ACAP2: variants seen among roughly 807,000 people sequenced by gnomAD.
ACAP2 encodes arf-GAP with coiled-coil, ANK repeat and PH domain-containing protein 2.
ACAP2 carries 39 observed loss-of-function variants against 115.8 expected under a neutral mutation model. That is an observed-to-expected ratio of 0.34 (90% confidence interval 0.26 to 0.44). The LOEUF (loss-of-function observed/expected upper bound fraction) is 0.44. Among genes scored for constraint, ACAP2 ranks in the 20% least tolerant of loss-of-function variants. ACAP2 has a pLI of 1.00. For missense variants in ACAP2, 662 were observed against 927.6 expected (o/e 0.71, Z 3.72); for synonymous variants, 289 against 315.8 (o/e 0.92, Z 0.90).
intron 1 of ACAP2, among the ~76,000 whole-genome samples, chr3:195,405,077 G>A (rs1242049281): frequency 1.3e-5 from 2 of 151,944 alleles, no homozygotes; most frequent in African/African-American, 4.8e-5. Context: ...TGGGATTATA[G>A]GCATGAGCCA....
At chr3:195,378,006 G>T (rs1482600589) in intron 4 of ACAP2, among the ~76,000 whole-genome samples, 3 of 145,252 alleles carry the variant, frequency 2.1e-5, no homozygotes, top group Admixed American at 2.1e-4. Context: ...GAGTTTTAGA[G>T]TCAACAGAGA....
rs545085844 is a variant in ACAP2 at position 195,417,241 on chromosome 3, T to G, written c.54-25094A>C. On this transcript the variant is annotated intron_variant, in intron 1 of 22. Coordinates refer to ENST00000326793, the MANE Select transcript of ACAP2 (RefSeq NM_012287.6). ...GCCACCACACCTGGCCTCAAATCTT[T>G]ATCTCCAACCTAGATCTCTCTCAGA... 3.9e-5 allele frequency among the ~76,000 whole-genome samples: 6 copies of G among 152,030 alleles called. 1 individual carries two copies. In the South Asian group the frequency reaches 1.2e-3, roughly 32 times the overall value.
chr3:195,346,301 T>C (rs1731183454), intron 4 of ACAP2, among the ~76,000 whole-genome samples: 1 of 152,082 alleles, frequency 6.6e-6, no homozygotes, highest in South Asian at 2.1e-4. Flanking sequence ...AGAAAGTTAA[T>C]AGAGAAAAAT....
At chr3:195,300,797 G>T (rs1227977772) in intron 15 of ACAP2, among the ~76,000 whole-genome samples, 3 of 152,188 alleles carry the variant, frequency 2.0e-5, no homozygotes, top group African/African-American at 7.2e-5. Context: ...TAGATGGACT[G>T]CTTGAGCCCA....
chr3:195,399,710 G>A (rs1010874373), intron 1 of ACAP2, among the ~76,000 whole-genome samples: 3 of 152,068 alleles, frequency 2.0e-5, no homozygotes, highest in African/African-American at 7.2e-5. Context: ...CCATGGAGGA[G>A]TATAATTGAA....
chr3:195,349,324 A>C (rs1731389163), intron 4 of ACAP2, among the ~76,000 whole-genome samples: 1 of 152,122 alleles, frequency 6.6e-6, no homozygotes, highest in Admixed American at 6.5e-5. Context: ...TCTACTAAAA[A>C]TACAAAATCA....
chr3:195,385,994 A>AATT (rs1734275408), intron 2 of ACAP2, among the ~76,000 whole-genome samples: 1 of 152,330 alleles, frequency 6.6e-6, no homozygotes. Flanking sequence ...AACAACTCAA[A>AATT]TGTCCATCAA....
intron 4 of ACAP2, among the ~76,000 whole-genome samples, chr3:195,354,535 T>C (rs1255086462): frequency 6.6e-6 from 1 of 152,206 alleles, no homozygotes; most frequent in Admixed American, 6.5e-5. Context: ...GGTTGTGTTT[T>C]TCTTTATAAT....
In ACAP2 at chr3:195,285,868, A is replaced by G; in HGVS notation, c.2175-11T>C. The G allele has an allele frequency of 1.3e-6, 2 of 1,598,798 alleles. No homozygotes were observed. The highest frequency in any genetic ancestry group is 1.7e-6 in the Non-Finnish European group (2 of 1,169,904). ...CTTGCTAAACGTAACCTAAAAATAA[A>G]TAAAATAGTGTTTTAGATGACATTA... On this transcript the variant is annotated splice_polypyrimidine_tract_variant and intron_variant, in intron 21 of 22. Transcript: ENST00000326793.
At chr3:195,331,215 C>CTACA (rs1211033628) in intron 8 of ACAP2, among the ~76,000 whole-genome samples, 1 of 152,056 alleles carries the variant, frequency 6.6e-6, no homozygotes, top group African/African-American at 2.4e-5. Flanking sequence ...GGCATACACC[C>CTACA]TACATGTCTT....
At chr3:195,281,550 C>T (rs1255875662) in intron 22 of ACAP2, among the ~76,000 whole-genome samples, 1 of 152,034 alleles carries the variant, frequency 6.6e-6, no homozygotes, top group African/African-American at 2.4e-5. Context: ...TCAATTAAAC[C>T]TCATCAGTCT....
chr3:195,375,896 A>G lies in ACAP2; in HGVS notation c.285+5113T>C, dbSNP rs9837031. On this transcript the variant is annotated intron_variant, in intron 4 of 22. Coordinates refer to ENST00000326793, the MANE Select transcript of ACAP2 (RefSeq NM_012287.6). ...CGTTAAAGCTGCATTCAGCAAAGAT[A>G]ATAATCAAATAAATATCAAATAAAT... is the stretch of plus-strand genomic sequence containing the variant. Among the ~76,000 whole-genome samples, 251 of 152,338 alleles carry G rather than the reference A, an allele frequency of 1.6e-3. 1 individual carries two copies. The highest frequency in any genetic ancestry group is 2.9e-3 in the Non-Finnish European group (200 of 68,030).
chr3:195,384,342 A>T (rs1005228741), intron 2 of ACAP2, among the ~76,000 whole-genome samples: 1 of 152,226 alleles, frequency 6.6e-6, no homozygotes, highest in Non-Finnish European at 1.5e-5. Flanking sequence ...ATTAAGAGAA[A>T]AATCAAAATG....
chr3:195,293,568 G>A lies in ACAP2; in HGVS notation c.1766-1116C>T, dbSNP rs540043252. On this transcript the variant is annotated intron_variant, in intron 18 of 22. Transcript: ENST00000326793. ...AAGAATGTACAACTAAGCATCAGGT[G>A]TGCTGGCTGACGCCTATAATCCCAG... 3.3e-5 allele frequency among the ~76,000 whole-genome samples: 5 copies of A among 152,364 alleles called. No individual in the cohort carries two copies. The South Asian group carries it at 1.0e-3, about 32-fold the overall frequency.
At chr3:195,294,867 C>A in intron 17 of ACAP2, 56 bp from the exon 18 acceptor site, 1 of 1,143,804 alleles carries the variant, frequency 8.7e-7, no homozygotes, top group Non-Finnish European at 1.3e-6. Context: ...AGAAAACAAT[C>A]TCCCACAAAC....
At chr3:195,296,918 G>A (rs770871200) in intron 16 of ACAP2, among the ~76,000 whole-genome samples, 10 of 152,020 alleles carry the variant, frequency 6.6e-5, no homozygotes, top group Admixed American at 1.3e-4. Flanking sequence ...CAGAACTTTG[G>A]TCTACTTTAA....
At chr3:195,378,515 C>CAAAA (rs61041295) in intron 4 of ACAP2, among the ~76,000 whole-genome samples, 3 of 147,926 alleles carry the variant, frequency 2.0e-5, no homozygotes, top group Admixed American at 2.0e-4. Context: ...AACAAACAAA[C>CAAAA]AAAAAAAAAC....
chr3:195,389,468 A>G (rs548533548), intron 2 of ACAP2, among the ~76,000 whole-genome samples: 1 of 152,308 alleles, frequency 6.6e-6, no homozygotes, highest in East Asian at 1.9e-4. Context: ...TATATAATAC[A>G]TATGTAATAA....
intron 5 of ACAP2, 106 bp from the exon 6 acceptor site, chr3:195,342,760 CCGAGG>C: frequency 1.3e-6 from 1 of 789,614 alleles, no homozygotes; most frequent in South Asian, 1.9e-5. Flanking sequence ...CTTTGGGAGG[CCGAGG>C]TGGGTGGATC....
Sources: gnomAD v4.1 joint callset for allele counts (sites outside exome capture counted in the v4.1 genomes callset) on GRCh38, gnomAD v4.1.1 for gene constraint, MANE v1.5 for transcripts, NCBI Gene and HGNC (gene_info 2026-07-23, HGNC 2026-07-21) for gene names.